The following UBR1 variants were observed in gnomAD, a reference collection of about 807,000 sequenced individuals.
The protein encoded by UBR1 is E3 ubiquitin-protein ligase UBR1.
In UBR1, 102 loss-of-function variants were observed where a neutral mutation model predicts 242.1. The observed-to-expected ratio is 0.42, with a 90% confidence interval of 0.36 to 0.50. The LOEUF is 0.50. Among genes scored for constraint, UBR1 ranks in the 20% least tolerant of loss-of-function variants. The pLI is 0.01. For missense variants in UBR1, 1,772 were observed against 2,101.8 expected (o/e 0.84, Z 3.07); for synonymous variants, 675 against 684.8 (o/e 0.99, Z 0.22).
chr15:43,043,208 C>T lies in UBR1; in HGVS notation c.1849+7G>A, dbSNP rs769539819. 6.8e-6 allele frequency: 11 copies of T among 1,613,870 alleles called. No individual in the cohort carries two copies. In the Admixed American group the frequency reaches 1.8e-4, roughly 27 times the overall value. ...GGTATATGCAAAAAGAAAAAACAAA[C>T]ACTCACCAGCAAGGGTCCTAGAGAG... is the stretch of plus-strand genomic sequence containing the variant. On this transcript the variant is annotated splice_region_variant and intron_variant, in intron 15 of 46. Transcript: ENST00000290650.
At chr15:43,085,565 G>A (rs1323190475) in intron 2 of UBR1, among the ~76,000 whole-genome samples, 1 of 149,066 alleles carries the variant, frequency 6.7e-6, no homozygotes, top group African/African-American at 2.5e-5. Context: ...CAAGTACATC[G>A]TGAAATAGAT....
chr15:43,103,208 T>C (rs1039559406), intron 1 of UBR1, among the ~76,000 whole-genome samples: 1 of 152,100 alleles, frequency 6.6e-6, no homozygotes, highest in African/African-American at 2.4e-5. Flanking sequence ...CTACAAAATA[T>C]GCAAAAAATT....
intron 2 of UBR1, among the ~76,000 whole-genome samples, chr15:43,084,988 G>A (rs1025180023): frequency 2.0e-5 from 3 of 152,182 alleles, no homozygotes; most frequent in South Asian, 2.1e-4. Flanking sequence ...GTGCTGTCAC[G>A]AAGTTTAAGG....
intron 39 of UBR1, 132 bp from the exon 40 acceptor site, chr15:42,970,739 T>G: frequency 1.2e-6 from 1 of 823,860 alleles, no homozygotes; most frequent in South Asian, 1.5e-5. Flanking sequence ...TTTTTTTTTT[T>G]GAGACAGAGT....
chr15:43,037,987 G>C, intron 16 of UBR1, 104 bp from the exon 17 acceptor site: 1 of 1,241,528 alleles, frequency 8.1e-7, no homozygotes, highest in Non-Finnish European at 1.2e-6. Flanking sequence ...AAAAATGGAA[G>C]AGCTTGAACT....
chr15:42,945,503 T>C, intron 46 of UBR1, 33 bp from the exon 47 acceptor site: 1 of 1,612,286 alleles, frequency 6.2e-7, no homozygotes, highest in South Asian at 1.1e-5. Context: ...AACATGTAAG[T>C]TTGAATCTAG....
intron 3 of UBR1, among the ~76,000 whole-genome samples, chr15:43,076,039 G>T (rs952943950): frequency 7.3e-5 from 11 of 151,702 alleles, no homozygotes; most frequent in Non-Finnish European, 1.3e-4. Context: ...AAGCTGGACG[G>T]TACTGCTGCC....
chr15:43,062,978 A>G (rs931396831), intron 6 of UBR1, among the ~76,000 whole-genome samples: 3 of 152,288 alleles, frequency 2.0e-5, no homozygotes, highest in African/African-American at 7.2e-5. Context: ...ACACAGAACT[A>G]CAAGTGTGTA....
intron 33 of UBR1, among the ~76,000 whole-genome samples, chr15:42,991,543 A>T (rs2032557891): frequency 6.6e-6 from 1 of 152,086 alleles, no homozygotes; most frequent in African/African-American, 2.4e-5. Context: ...TATTTCTTCA[A>T]ATATTTTTTC....
intron 4 of UBR1, among the ~76,000 whole-genome samples, chr15:43,073,849 C>G (rs562077739): frequency 2.0e-5 from 3 of 152,190 alleles, no homozygotes; most frequent in Non-Finnish European, 4.4e-5. Context: ...TTTCTGACAA[C>G]AAGAAATACC....
At chr15:43,030,197 T>C (rs1221644369) in intron 20 of UBR1, 129 bp from the exon 21 acceptor site, 2 of 1,020,094 alleles carry the variant, frequency 2.0e-6, no homozygotes, top group East Asian at 2.7e-5. Context: ...GCAAAAGTTA[T>C]TTGAATGTGT....
intron 40 of UBR1, among the ~76,000 whole-genome samples, chr15:42,969,485 T>C (rs2032167398): frequency 6.6e-6 from 1 of 152,236 alleles, no homozygotes; most frequent in Non-Finnish European, 1.5e-5. Context: ...ACTCTGATGA[T>C]AGTTTCTTTT....
At chr15:42,999,386 T>C (rs1270454120) in intron 32 of UBR1, among the ~76,000 whole-genome samples, 1 of 152,250 alleles carries the variant, frequency 6.6e-6, no homozygotes, top group Non-Finnish European at 1.5e-5. Context: ...AATAGCCTCA[T>C]GCCCCAGTCT....
chr15:43,031,081 A>T (rs986597525), intron 20 of UBR1, among the ~76,000 whole-genome samples: 3 of 152,214 alleles, frequency 2.0e-5, no homozygotes, highest in African/African-American at 4.8e-5. Context: ...TGCTCTTGAA[A>T]GTTGGTAGCA....
intron 30 of UBR1, among the ~76,000 whole-genome samples, chr15:43,006,776 TA>T: frequency 6.6e-6 from 1 of 150,938 alleles, no homozygotes; most frequent in Non-Finnish European, 1.5e-5. Flanking sequence ...GCTACTATCA[TA>T]AAAAAAGGAG....
chr15:43,106,006 G>C lies in UBR1; in HGVS notation c.17C>G (p.Ala6Gly). 1 of 1,613,468 alleles carries C rather than the reference G, an allele frequency of 6.2e-7. No homozygotes were observed. Among genetic ancestry groups the C allele is most frequent in the Non-Finnish European group, 8.5e-7 (1 of 1,179,770 alleles). ...GATTTCCATCCTCTCAGTACCTCCA[G>C]CCTCCTCGTCCGCCATCTTGAGGGA... The part of the protein sequence containing the change: MADEE[A>G]GGTERMEISA... The change falls in exon 1 of 47, where the codon GCT (alanine) becomes GGT (glycine). Residue 6 changes from alanine to glycine, a missense_variant. Ala to Gly is a moderately conservative substitution (Grantham distance 60, BLOSUM62 0). Transcript: ENST00000290650.
rs1310232522 is a variant in UBR1 at position 42,950,241 on chromosome 15, A to G, written c.5108+21T>C. On this transcript the variant is annotated intron_variant, in intron 46 of 46. Coordinates refer to ENST00000290650, the MANE Select transcript of UBR1 (RefSeq NM_174916.3). Reference sequence around the variant, plus strand: ...AAAGAGAACTTACTGAAACCTTCCTATTATATAAAAAAAATCTTACTTCAG... The same window carrying G: ...AAAGAGAACTTACTGAAACCTTCCTGTTATATAAAAAAAATCTTACTTCAG... The G allele has an allele frequency of 2.5e-6, 4 of 1,595,172 alleles. No individual in the cohort carries two copies. In the South Asian group the frequency reaches 3.3e-5, roughly 13 times the overall value.
chr15:43,087,182 G>C (rs1391963150), intron 1 of UBR1, among the ~76,000 whole-genome samples: 4 of 152,144 alleles, frequency 2.6e-5, no homozygotes, highest in Non-Finnish European at 5.9e-5. Flanking sequence ...GAGGTGGGTG[G>C]ATCACGAGGT....
At chr15:42,976,570 C>G (rs1431816068) in intron 39 of UBR1, 147 bp downstream of exon 39, 1 of 929,656 alleles carries the variant, frequency 1.1e-6, no homozygotes. Context: ...CTTGTTTAAA[C>G]AGTATCCATT....
Sources: allele counts gnomAD v4.1 joint callset (sites outside exome capture counted in the v4.1 genomes callset), GRCh38; gene constraint gnomAD v4.1.1; transcripts MANE v1.5; gene names NCBI Gene and HGNC (gene_info 2026-07-23, HGNC 2026-07-21).